STXBP5L: variants seen among roughly 807,000 people sequenced by gnomAD.
STXBP5L encodes syntaxin binding protein 5L.
In STXBP5L, 65 loss-of-function variants were observed where a neutral mutation model predicts 144.5. The observed-to-expected ratio is 0.45, with a 90% CI of 0.37 to 0.55. The LOEUF (loss-of-function observed/expected upper bound fraction) is 0.55. Among genes scored for constraint, STXBP5L ranks in the 20% least tolerant of loss-of-function variants. STXBP5L has a pLI of 0.00. For missense variants in STXBP5L, 1,298 were observed against 1,405.5 expected (o/e 0.92, Z 1.22); for synonymous variants, 505 against 469.6 (o/e 1.08, Z -0.97).
chr3:121,337,416 C>G (rs2044545524), intron 20 of STXBP5L, among the ~76,000 whole-genome samples: 1 of 103,822 alleles, frequency 9.6e-6, no homozygotes, highest in Non-Finnish European at 1.9e-5. Context: ...TTAGATAGAA[C>G]AGACACTTTA....
At chr3:121,367,598 T>G (rs2045899364) in intron 20 of STXBP5L, among the ~76,000 whole-genome samples, 1 of 136,326 alleles carries the variant, frequency 7.3e-6, no homozygotes, top group African/African-American at 2.8e-5. Context: ...GACTCTTGTT[T>G]TTTTTTTTTT....
At chr3:121,246,882 G>A (rs1005488551) in intron 14 of STXBP5L, among the ~76,000 whole-genome samples, 2 of 152,162 alleles carry the variant, frequency 1.3e-5, no homozygotes, top group African/African-American at 4.8e-5. Flanking sequence ...AAGAAAAAAA[G>A]AATCTATATA....
chr3:121,238,912 A>AATTATTTT, intron 12 of STXBP5L, 59 bp from the exon 13 acceptor site: 1 of 1,428,516 alleles, frequency 7.0e-7, no homozygotes, highest in South Asian at 1.4e-5. Flanking sequence ...ACTTTATCAA[A>AATTATTTT]ATTATTTTCT....
chr3:121,182,019 A>G (rs2047176833), intron 9 of STXBP5L, among the ~76,000 whole-genome samples: 1 of 152,164 alleles, frequency 6.6e-6, no homozygotes, highest in African/African-American at 2.4e-5. Context: ...TCCAAAATTT[A>G]TGAAACAATT....
At chr3:120,937,600 A>C (rs543920230) in intron 2 of STXBP5L, among the ~76,000 whole-genome samples, 84 of 152,168 alleles carry the variant, frequency 5.5e-4, no homozygotes, top group Middle Eastern at 3.4e-3. Context: ...CTGTGACCTT[A>C]GTTTTCTGAT....
At chr3:121,261,877 A>G (rs2050393443) in intron 18 of STXBP5L, among the ~76,000 whole-genome samples, 1 of 152,214 alleles carries the variant, frequency 6.6e-6, no homozygotes, top group African/African-American at 2.4e-5. Context: ...TTAACAAAAT[A>G]TCTTACAAAT....
chr3:121,072,872 C>T (rs756973146), intron 5 of STXBP5L, among the ~76,000 whole-genome samples: 2 of 152,124 alleles, frequency 1.3e-5, no homozygotes, highest in Non-Finnish European at 2.9e-5. Flanking sequence ...AATCCTCTTT[C>T]CTTATATTTG....
intron 3 of STXBP5L, among the ~76,000 whole-genome samples, chr3:121,023,150 A>G (rs1560015123): frequency 1.4e-5 from 2 of 147,182 alleles, no homozygotes; most frequent in African/African-American, 5.1e-5. Flanking sequence ...CTTTGACAAT[A>G]GTTGCAAAAA....
At position 121,299,311 on chromosome 3, in the gene STXBP5L, A is replaced by T. The variant is rs532704215; in HGVS notation, c.2111-19164A>T. 7.2e-5 allele frequency among the ~76,000 whole-genome samples: 11 copies of T among 152,322 alleles called. No homozygotes were observed. In the East Asian group the frequency reaches 2.1e-3, roughly 29 times the overall value. On this transcript the variant is annotated intron_variant, in intron 19 of 26. Transcript: ENST00000471454. ...TTCCTCCTTGAGGAGTTTCATATTC[A>T]TAGAAACCTTGAGGATAAAGGTTTC...
intron 5 of STXBP5L, among the ~76,000 whole-genome samples, chr3:121,053,921 G>T (rs1369674777): frequency 6.6e-6 from 1 of 151,866 alleles, no homozygotes; most frequent in Non-Finnish European, 1.5e-5. Flanking sequence ...CCATCAAAAA[G>T]TGGGCAAAGG....
intron 20 of STXBP5L, chr3:121,324,678 A>C: frequency 1.7e-6 from 1 of 572,728 alleles, no homozygotes. Flanking sequence ...CTTTATTCTC[A>C]TTTGTTGTGG....
chr3:121,279,626 T>C (rs1253512180), intron 18 of STXBP5L, among the ~76,000 whole-genome samples, 179 bp from the exon 19 acceptor site: 1 of 151,880 alleles, frequency 6.6e-6, no homozygotes, highest in Non-Finnish European at 1.5e-5. Flanking sequence ...TGTATGCCTA[T>C]TATACGAAGA....
chr3:121,351,102 G>C (rs1163418557), intron 20 of STXBP5L, among the ~76,000 whole-genome samples: 1 of 152,048 alleles, frequency 6.6e-6, no homozygotes, highest in Non-Finnish European at 1.5e-5. Flanking sequence ...ATCAACCTTT[G>C]GTCTTTGATG....
At chr3:121,002,918 G>A (rs1943914412) in intron 3 of STXBP5L, among the ~76,000 whole-genome samples, 1 of 152,122 alleles carries the variant, frequency 6.6e-6, no homozygotes, top group African/African-American at 2.4e-5. Flanking sequence ...GTATTCCATG[G>A]TGTATATGTG....
rs185383514 is a variant in STXBP5L at position 121,328,140 on chromosome 3, T to A, written c.2176+9600T>A. Among the ~76,000 whole-genome samples the A allele has an allele frequency of 3.0e-3, 456 of 152,328 alleles. 3 individuals carry two copies. Among genetic ancestry groups the A allele is most frequent in the Non-Finnish European group, 2.1e-3 (140 of 68,028 alleles). The stretch of plus-strand genomic sequence containing the variant: ...GCTGTTTAATGCCAGGCACTAGATT[T>A]TCAGTAGAACATGTTGCCCAGATAA... On this transcript the variant is annotated intron_variant, in intron 20 of 26. Transcript: ENST00000471454.
rs147949412 is a variant in STXBP5L at position 121,197,540 on chromosome 3, G to A, written c.878-8383G>A. Among the ~76,000 whole-genome samples, 1,115 of 152,108 alleles carry A rather than the reference G, an allele frequency of 7.3e-3. 13 individuals are homozygous for A. Among genetic ancestry groups the A allele is most frequent in the African/African-American group, 0.026 (1,070 of 41,492 alleles). ...CTGGGATACATAGGCAGAATGTGTA[G>A]GTTTGTTACATAGGTATACATGTGC... On this transcript the variant is annotated intron_variant, in intron 9 of 26. Coordinates refer to ENST00000471454, the MANE Select transcript of STXBP5L (RefSeq NM_001308330.2).
At position 121,326,731 on chromosome 3, in the gene STXBP5L, C is replaced by T. The variant is rs375436186; in HGVS notation, c.2176+8191C>T. ...CAGGTTTCTTACACTTAATTGTGTG[C>T]CAGTGTTCAGAACATAGATGCTCAA... On this transcript the variant is annotated intron_variant, in intron 20 of 26. Coordinates refer to ENST00000471454, the MANE Select transcript of STXBP5L (RefSeq NM_001308330.2). 3.4e-4 allele frequency among the ~76,000 whole-genome samples: 52 copies of T among 152,018 alleles called. No individual in the cohort carries two copies. The East Asian group carries it at 5.0e-3, about 15-fold the overall frequency.
intron 19 of STXBP5L, among the ~76,000 whole-genome samples, chr3:121,295,186 A>G (rs1026719065): frequency 6.6e-6 from 1 of 152,072 alleles, no homozygotes; most frequent in Admixed American, 6.6e-5. Context: ...AGGATAAGGG[A>G]GAGAGGGGAT....
rs2047332193 is a variant in STXBP5L at position 121,420,529 on chromosome 3, A to AG, written c.*1433dup. 1.3e-5 allele frequency: 2 copies of AG among 152,164 alleles called. No individual in the cohort carries two copies. Among genetic ancestry groups the AG allele is most frequent in the African/African-American group, 2.4e-5 (1 of 41,456 alleles). The allele number at this position is 152,164 out of a possible 1,614,324, so 9.4% of individuals were successfully genotyped here. Reference sequence around the variant, plus strand: ...TGATACAAGGTATCTATAACTCACCAGAAAAGCACCAGAGTCAAAACCAAA... The same window carrying AG: ...TGATACAAGGTATCTATAACTCACCAGGAAAAGCACCAGAGTCAAAACCAAA... On this transcript the variant is annotated 3_prime_UTR_variant, in exon 27 of 27. Transcript: ENST00000471454.
Sources: allele counts gnomAD v4.1 joint callset (sites outside exome capture counted in the v4.1 genomes callset), GRCh38; gene constraint gnomAD v4.1.1; transcripts MANE v1.5; gene names NCBI Gene and HGNC (gene_info 2026-07-23, HGNC 2026-07-21).